The following PTH2R variants were observed in gnomAD, a reference collection of about 807,000 sequenced individuals.
PTH2R encodes the protein parathyroid hormone 2 receptor, also known as PTH2 receptor.
PTH2R carries 59 observed loss-of-function variants against 60.3 expected under a neutral mutation model. That is an observed-to-expected ratio of 0.98 (90% confidence interval 0.79 to 1.22). The LOEUF is 1.22. PTH2R is among the 50% of genes most tolerant of loss of function. The pLI is 0.00. For missense variants in PTH2R, 749 were observed against 682.6 expected (o/e 1.10, Z -1.08); for synonymous variants, 256 against 243.8 (o/e 1.05, Z -0.47).
chr2:208,460,476 A>ATAGG (rs1443264432), intron 9 of PTH2R, among the ~76,000 whole-genome samples: 1 of 152,172 alleles, frequency 6.6e-6, no homozygotes, highest in Non-Finnish European at 1.5e-5. Context: ...ATTCTATCTA[A>ATAGG]TAGGTATTAG....
At chr2:208,439,672 A>G (rs1702144731) in intron 4 of PTH2R, among the ~76,000 whole-genome samples, 1 of 152,106 alleles carries the variant, frequency 6.6e-6, no homozygotes, top group East Asian at 1.9e-4. Flanking sequence ...TTTTAGTTAA[A>G]AAAAGGGAAG....
chr2:208,398,607 G>T (rs1701253162), intron 1 of PTH2R, among the ~76,000 whole-genome samples: 1 of 152,204 alleles, frequency 6.6e-6, no homozygotes, highest in African/African-American at 2.4e-5. Flanking sequence ...AATCATTTTA[G>T]AGCTTTATAT....
intron 9 of PTH2R, among the ~76,000 whole-genome samples, chr2:208,465,689 C>T (rs1038808546): frequency 2.0e-5 from 3 of 152,010 alleles, no homozygotes; most frequent in Non-Finnish European, 4.4e-5. Flanking sequence ...AGGCATGAGC[C>T]ACCGCAGGGC....
At chr2:208,361,773 T>TAAA (rs1553539452) in intron 1 of PTH2R, among the ~76,000 whole-genome samples, 40 of 151,266 alleles carry the variant, frequency 2.6e-4, no homozygotes, top group African/African-American at 7.8e-4. Context: ...TTTTTTTTTT[T>TAAA]AAAAAAAAGG....
At chr2:208,378,752 T>C (rs1700857725) in intron 1 of PTH2R, among the ~76,000 whole-genome samples, 2 of 152,152 alleles carry the variant, frequency 1.3e-5, no homozygotes. Context: ...AAATGTTTGC[T>C]GTTTAAGTCA....
chr2:208,417,775 A>G (rs1701671303), intron 1 of PTH2R, among the ~76,000 whole-genome samples: 1 of 152,116 alleles, frequency 6.6e-6, no homozygotes, highest in East Asian at 1.9e-4. Flanking sequence ...GCTGGATAAA[A>G]TAAGAAAAGC....
intron 9 of PTH2R, among the ~76,000 whole-genome samples, chr2:208,467,637 G>A (rs1702782834): frequency 6.6e-6 from 1 of 152,124 alleles, no homozygotes; most frequent in Admixed American, 6.5e-5. Context: ...TTTATTGGAG[G>A]AAAAACAAGC....
At chr2:208,432,646 G>A (rs181509888) in intron 2 of PTH2R, among the ~76,000 whole-genome samples, 16 of 152,262 alleles carry the variant, frequency 1.1e-4, no homozygotes, top group Non-Finnish European at 2.2e-4. Context: ...AGACAATAGT[G>A]GCTCAGTTAA....
intron 1 of PTH2R, among the ~76,000 whole-genome samples, chr2:208,365,982 T>A (rs1474592800): frequency 3.0e-5 from 3 of 99,674 alleles, no homozygotes; most frequent in Admixed American, 1.0e-4. Context: ...TTTTTTTTTT[T>A]TTTTTTTTTT....
chr2:208,493,725 A>C lies in PTH2R; in HGVS notation c.*66A>C. 1 of 1,479,050 alleles carries C rather than the reference A, an allele frequency of 6.8e-7. No homozygotes were observed. Among genetic ancestry groups the C allele is most frequent in the South Asian group, 1.4e-5 (1 of 70,338 alleles). The allele number at this position is 1,479,050 out of a possible 1,614,324, so 91.6% of individuals were successfully genotyped here. A position where few individuals can be genotyped will look rare whatever the true frequency, so the allele number is the denominator to read the frequency against. On this transcript the variant is annotated 3_prime_UTR_variant, in exon 13 of 13. Transcript: ENST00000272847. ...CTGGTTGTGTGAGAGGGCTTGGCTG[A>C]TACTCCTATGCTTGAGTTCAAAGGC...
intron 1 of PTH2R, among the ~76,000 whole-genome samples, chr2:208,388,303 C>T (rs1366408350): frequency 3.3e-5 from 5 of 151,848 alleles, no homozygotes; most frequent in Non-Finnish European, 7.4e-5. Flanking sequence ...GGTGACAGAG[C>T]GAGACTCCTT....
intron 1 of PTH2R, among the ~76,000 whole-genome samples, chr2:208,373,760 A>G (rs1174096582): frequency 1.3e-5 from 2 of 152,130 alleles, no homozygotes; most frequent in Non-Finnish European, 2.9e-5. Flanking sequence ...AGGGAGCTCA[A>G]TCCCAAACAT....
At chr2:208,377,353 C>T (rs1043389097) in intron 1 of PTH2R, among the ~76,000 whole-genome samples, 6 of 152,220 alleles carry the variant, frequency 3.9e-5, no homozygotes, top group Non-Finnish European at 8.8e-5. Flanking sequence ...AAACCGCCAT[C>T]GTCATCATGG....
chr2:208,381,094 T>C lies in PTH2R; in HGVS notation c.-259+20857T>C, dbSNP rs114610032. ...TCGCATATGTTATATATTTTAAAACTTTTGTTTTTGGGGCCACCACTTACT... is the reference window on the plus strand; with the variant it reads ...TCGCATATGTTATATATTTTAAAACCTTTGTTTTTGGGGCCACCACTTACT... On this transcript the variant is annotated intron_variant, in intron 1 of 12. Coordinates refer to the PTH2R transcript ENST00000617735. Among the ~76,000 whole-genome samples, 1,311 of 152,186 alleles carry C rather than the reference T, an allele frequency of 8.6e-3. 43 individuals are homozygous for C. The highest frequency in any genetic ancestry group is 0.03 in the African/African-American group (1,232 of 41,444).
intron 8 of PTH2R, among the ~76,000 whole-genome samples, chr2:208,451,617 C>A (rs1574885783): frequency 6.6e-6 from 1 of 152,264 alleles, no homozygotes; most frequent in East Asian, 1.9e-4. Context: ...TCATCCTTAT[C>A]TATATTTAAT....
At chr2:208,486,425 A>G (rs890645534) in intron 10 of PTH2R, among the ~76,000 whole-genome samples, 1 of 152,124 alleles carries the variant, frequency 6.6e-6, no homozygotes, top group Non-Finnish European at 1.5e-5. Flanking sequence ...ACTGTCCCCA[A>G]TGTTTACATT....
At chr2:208,393,385 A>G (rs954481007) in intron 1 of PTH2R, among the ~76,000 whole-genome samples, 21 of 152,146 alleles carry the variant, frequency 1.4e-4, no homozygotes, top group African/African-American at 5.1e-4. Flanking sequence ...TTGGTCTAGC[A>G]TGGACAGTTT....
chr2:208,453,153 C>T (rs934877146), intron 8 of PTH2R, among the ~76,000 whole-genome samples: 3 of 152,268 alleles, frequency 2.0e-5, no homozygotes, highest in Admixed American at 6.5e-5. Context: ...AGAGGTAAAA[C>T]TTCTAGTTCT....
rs565466956 is a variant in PTH2R, at chr2:208,466,337, A to G, written c.981+6376A>G. On this transcript the variant is annotated intron_variant, in intron 9 of 12. Transcript: ENST00000272847. ...CAGCTCGGTGTCTCCAGAGAGGCCA[A>G]CCTGATAGACGTCACTTTTCTCCTG... The G allele has an allele frequency of 5.9e-5, 9 of 152,622 alleles. 1 individual carries two copies. Among genetic ancestry groups the G allele is most frequent in the African/African-American group, 2.2e-4 (9 of 41,554 alleles). The allele number at this position is 152,622 out of a possible 1,614,324, so 9.5% of individuals were successfully genotyped here.
Sources: gnomAD v4.1 joint callset for allele counts (sites outside exome capture counted in the v4.1 genomes callset) on GRCh38, gnomAD v4.1.1 for gene constraint, MANE v1.5 for transcripts, NCBI Gene and HGNC (gene_info 2026-07-23, HGNC 2026-07-21) for gene names.